The following ERCC6L2 variants were observed in gnomAD, a reference collection of about 807,000 sequenced individuals.
The protein encoded by ERCC6L2 is ERCC excision repair 6 like 2.
In ERCC6L2, 77 loss-of-function variants were observed where a neutral mutation model predicts 132.0. The observed-to-expected ratio is 0.58, with a 90% confidence interval of 0.49 to 0.71. The LOEUF (loss-of-function observed/expected upper bound fraction) is 0.71, where lower values mean the gene tolerates loss of function less well. Among genes scored for constraint, ERCC6L2 ranks in the 30% least tolerant of loss-of-function variants. The probability of loss-of-function intolerance (pLI) is 0.00; values close to 1 mark genes in which losing one functional copy is unlikely to be tolerated. For synonymous variants in ERCC6L2, 583 were observed against 632.4 expected, an observed-to-expected ratio of 0.92 and a Z score of 1.17; for missense variants, 1,542 against 1,837.6, an observed-to-expected ratio of 0.84 and a Z score of 2.94.
chr9:96,026,573 C>T (rs1834367622), intron 19 of ERCC6L2, among the ~76,000 whole-genome samples: 1 of 151,982 alleles, frequency 6.6e-6, no homozygotes, highest in Non-Finnish European at 1.5e-5. Flanking sequence ...TGCACACGCC[C>T]ACCGCATACA....
At position 95,875,967 on chromosome 9, in the gene ERCC6L2, C is replaced by T. The variant is rs1564184403; in HGVS notation, c.-72C>T. ...CGTTGGCCGCCATTGGCCTGCCGGC[C>T]AGCCACCTTGCTGTCCTCCGCCGCC... On this transcript the variant is annotated 5_prime_UTR_variant, in exon 1 of 19. Transcript: ENST00000653738. The T allele has an allele frequency of 8.6e-6, 13 of 1,519,010 alleles. No individual in the cohort carries two copies. The highest frequency in any genetic ancestry group is 9.8e-6 in the Non-Finnish European group (11 of 1,124,092). 94.1% of individuals were successfully genotyped at this position (1,519,010 alleles called of 1,614,324 possible).
chr9:95,984,402 T>C (rs544439343), intron 17 of ERCC6L2, among the ~76,000 whole-genome samples: 2 of 151,754 alleles, frequency 1.3e-5, no homozygotes, highest in Admixed American at 1.3e-4. Context: ...AAGCTTTTTT[T>C]CTACCTGGAA....
At chr9:95,963,645 G>T (rs1473503426) in intron 13 of ERCC6L2, among the ~76,000 whole-genome samples, 1 of 151,796 alleles carries the variant, frequency 6.6e-6, no homozygotes, top group African/African-American at 2.4e-5. Flanking sequence ...TTTCCTTTCT[G>T]GTCCAGGGTT....
chr9:95,974,445 G>C (rs1340548817), intron 16 of ERCC6L2, among the ~76,000 whole-genome samples: 2 of 152,164 alleles, frequency 1.3e-5, no homozygotes, highest in Non-Finnish European at 2.9e-5. Context: ...TGTCCTATCT[G>C]TGGATAGAGG....
At chr9:95,900,359 G>C (rs1285528189) in intron 3 of ERCC6L2, among the ~76,000 whole-genome samples, 1 of 151,670 alleles carries the variant, frequency 6.6e-6, no homozygotes, top group African/African-American at 2.4e-5. Flanking sequence ...ATGCACTCCA[G>C]CCTGGGCAAC....
chr9:95,978,038 AATAAAC>A lies in ERCC6L2; in HGVS notation c.3338-17_3338-12del, dbSNP rs765045473. 1.1e-5 allele frequency: 15 copies of A among 1,352,040 alleles called. No homozygotes were observed. Among genetic ancestry groups the A allele is most frequent in the Non-Finnish European group, 4.9e-6 (5 of 1,015,114 alleles). The allele number at this position is 1,352,040 out of a possible 1,614,324, so 83.8% of individuals were successfully genotyped here. On this transcript the variant is annotated splice_polypyrimidine_tract_variant and intron_variant, in intron 16 of 18. Transcript: ENST00000653738. ...ATTGCTTTATACTGATACATCACTT[AATAAAC>A]ATAAATTACCTCCTAGATGGCGTTC...
intron 17 of ERCC6L2, among the ~76,000 whole-genome samples, chr9:96,002,612 A>G (rs183745239): frequency 6.6e-6 from 1 of 151,810 alleles, no homozygotes; most frequent in Non-Finnish European, 1.5e-5. Flanking sequence ...TTTTGTAGAG[A>G]AAAGGTTTTA....
intron 18 of ERCC6L2, among the ~76,000 whole-genome samples, chr9:96,005,778 C>G (rs1588048985): frequency 6.6e-6 from 1 of 152,162 alleles, no homozygotes; most frequent in South Asian, 2.1e-4. Context: ...TCTGATGTAT[C>G]TTTTTAAAAG....
At chr9:95,911,853 G>A (rs755285829) in intron 4 of ERCC6L2, among the ~76,000 whole-genome samples, 23 of 152,108 alleles carry the variant, frequency 1.5e-4, no homozygotes, top group Non-Finnish European at 3.1e-4. Context: ...TTCACTGTCC[G>A]CCAATTACCT....
chr9:95,918,478 A>G, intron 6 of ERCC6L2: 1 of 497,664 alleles, frequency 2.0e-6, no homozygotes, highest in African/African-American at 2.0e-5. Context: ...CTGTTGGCTC[A>G]TGAAATAGGT....
At chr9:96,035,250 C>T (rs1834506028) in intron 19 of ERCC6L2, among the ~76,000 whole-genome samples, 2 of 152,266 alleles carry the variant, frequency 1.3e-5, no homozygotes, top group African/African-American at 4.8e-5. Flanking sequence ...CCAGTAAGGC[C>T]CCTTCTTCAG....
Position 95,972,204 on chromosome 9 carries a change from A to G in ERCC6L2, c.2453A>G (p.Glu818Gly), listed in dbSNP as rs1832446894. 1 of 1,304,166 alleles carries G rather than the reference A, an allele frequency of 7.7e-7. No homozygotes were observed. The highest frequency in any genetic ancestry group is 1.5e-5 in the African/African-American group (1 of 65,880). 80.8% of individuals were successfully genotyped at this position (1,304,166 alleles called of 1,614,324 possible). A position where few individuals can be genotyped will look rare whatever the true frequency, so the allele number is the denominator to read the frequency against. Residue 818 changes from glutamate (E) to glycine (G), a missense_variant, in exon 16 of 19, where the codon GAA becomes GGA. Physicochemically the swap from Glu to Gly is moderately conservative, Grantham distance 98 (BLOSUM62 -2). Transcript: ENST00000653738. ...GATGGAAATACTGCCTCTGATGATG[A>G]AAGTTCTGATGAGCAGCCCACATGC... ...DSDGNTASDDESSDEQPTCLS... is the reference protein window; with the variant it reads ...DSDGNTASDDGSSDEQPTCLS...
intron 12 of ERCC6L2, among the ~76,000 whole-genome samples, chr9:95,952,557 G>A (rs1308397804): frequency 6.6e-6 from 1 of 152,032 alleles, no homozygotes. Context: ...TTTTAAAGAT[G>A]ACAAAAACAA....
intron 17 of ERCC6L2, among the ~76,000 whole-genome samples, chr9:95,993,076 T>G (rs1232377253): frequency 6.6e-6 from 1 of 152,138 alleles, no homozygotes; most frequent in Non-Finnish European, 1.5e-5. Flanking sequence ...CTATAAAGAC[T>G]AGTAGAATTG....
chr9:96,029,505 T>C (rs1350763856), intron 19 of ERCC6L2, among the ~76,000 whole-genome samples: 2 of 152,098 alleles, frequency 1.3e-5, no homozygotes, highest in East Asian at 3.9e-4. Context: ...AACCTTAGGA[T>C]AGATGTGATT....
intron 12 of ERCC6L2, among the ~76,000 whole-genome samples, chr9:95,951,314 C>T (rs117633833): frequency 0.03 from 4,615 of 151,960 alleles, 97 homozygotes; most frequent in East Asian, 0.13. Context: ...AAAAGTAATG[C>T]TAAGAGGGAA....
chr9:96,013,758 GA>G lies in ERCC6L2; in HGVS notation c.*557del, dbSNP rs1834113369. ...TTAGAAAAAAGTCATAATTGGTACT[GA>G]ATATATGGTATATATAATATTAAAA... is the stretch of plus-strand genomic sequence containing the variant. On this transcript the variant is annotated 3_prime_UTR_variant, in exon 19 of 19. Transcript: ENST00000653738. The G allele has an allele frequency of 2.0e-5, 3 of 152,260 alleles. No homozygotes were observed. Among genetic ancestry groups the G allele is most frequent in the Admixed American group, 2.0e-4 (3 of 15,288 alleles). 9.4% of individuals were successfully genotyped at this position (152,260 alleles called of 1,614,324 possible).
At chr9:96,033,992 C>T (rs1345532734) in intron 19 of ERCC6L2, among the ~76,000 whole-genome samples, 1 of 152,216 alleles carries the variant, frequency 6.6e-6, no homozygotes, top group Non-Finnish European at 1.5e-5. Context: ...GAGTGAGCAG[C>T]CAAGGTGCTC....
Position 95,972,840 on chromosome 9 carries a change from A to T in ERCC6L2, c.3089A>T (p.Asn1030Ile). 7.7e-7 allele frequency: 1 copy of T among 1,305,116 alleles called. No individual in the cohort carries two copies. The highest frequency in any genetic ancestry group is 1.0e-6 in the Non-Finnish European group (1 of 988,918). The allele number at this position is 1,305,116 out of a possible 1,614,324, so 80.8% of individuals were successfully genotyped here. A position where few individuals can be genotyped will look rare whatever the true frequency, so the allele number is the denominator to read the frequency against. ...MNKTNQVYAA[N>I]EDHNSQFIDD... is the part of the protein sequence containing the mutation. The stretch of plus-strand genomic sequence containing the variant: ...AAAACAAACCAAGTGTATGCAGCAA[A>T]TGAGGATCATAACTCTCAGTTTATT... Residue 1030 changes from asparagine (N) to isoleucine (I), a missense_variant, in exon 16 of 19, where the codon AAT (asparagine) becomes ATT (isoleucine). Around this residue, in one of 4 missense-constraint regions of ERCC6L2, gnomAD observed 945 missense variants for 1,105.2 expected, o/e 0.86. Transcript: ENST00000653738.
Sources: gnomAD v4.1 joint callset for allele counts (sites outside exome capture counted in the v4.1 genomes callset) on GRCh38, gnomAD v4.1.1 for gene constraint, gnomAD v4.1.1 regional missense constraint, MANE v1.5 for transcripts, NCBI Gene and HGNC (gene_info 2026-07-23, HGNC 2026-07-21) for gene names.